MEIOSIN: variants seen among roughly 807,000 people sequenced by gnomAD.
MEIOSIN encodes the protein meiosis initiator protein.
MEIOSIN carries 18 observed loss-of-function variants against 23.4 expected under a neutral mutation model. That is an observed-to-expected ratio of 0.77 (90% CI 0.53 to 1.14). The LOEUF is 1.14. MEIOSIN is among the 50% of genes most tolerant of loss of function. The pLI is 0.00. For missense variants in MEIOSIN, 428 were observed against 242.9 expected (o/e 1.76, Z -5.07); for synonymous variants, 187 against 100.6 (o/e 1.86, Z -5.14).
chr19:45,744,140 C>T (rs1167012041), intron 3 of MEIOSIN, among the ~76,000 whole-genome samples: 1 of 151,790 alleles, frequency 6.6e-6, no homozygotes, highest in Non-Finnish European at 1.5e-5. Context: ...AATTCTCGTG[C>T]CTCAGCCTCC....
chr19:45,746,944 G>T (rs540994867), intron 4 of MEIOSIN, among the ~76,000 whole-genome samples: 4 of 152,104 alleles, frequency 2.6e-5, no homozygotes, highest in African/African-American at 4.8e-5. Context: ...TGGAACTTTG[G>T]GGGGATGCAT....
At chr19:45,734,690 G>A (rs1600372013) in intron 1 of MEIOSIN, among the ~76,000 whole-genome samples, 1 of 142,250 alleles carries the variant, frequency 7.0e-6, no homozygotes, top group East Asian at 2.0e-4. Context: ...TTTTTTTGTA[G>A]AGGTGGAGTT....
chr19:45,761,470 A>G (rs1407370301), intron 11 of MEIOSIN, among the ~76,000 whole-genome samples: 4 of 99,744 alleles, frequency 4.0e-5, no homozygotes, highest in Admixed American at 3.3e-4. Context: ...AGGTCTCTCT[A>G]TGTTGCCCAG....
chr19:45,754,815 G>GC, intron 7 of MEIOSIN, 91 bp downstream of exon 7: 1 of 665,222 alleles, frequency 1.5e-6, no homozygotes, highest in Non-Finnish European at 2.7e-6. Context: ...ACCCGTAGTG[G>GC]GGGCTGCAGC....
chr19:45,762,081 A>C lies in MEIOSIN; in HGVS notation c.1577A>C (p.Lys526Thr), dbSNP rs1488443273. The C allele has an allele frequency of 1.3e-5, 6 of 457,240 alleles. No individual in the cohort carries two copies. Among genetic ancestry groups the C allele is most frequent in the African/African-American group, 1.2e-4 (6 of 50,244 alleles). 28.3% of individuals were successfully genotyped at this position (457,240 alleles called of 1,614,324 possible). ...GGCCAAGTAGCCAGGGCCCCTGTGA[A>C]GCCCAAGGAGAAGAAGAAAGGCCCC... ...TKGQVARAPV[K>T]PKEKKKGPCP... Residue 526 changes from lysine (K) to threonine (T), a missense_variant, in exon 13 of 15, where the codon AAG becomes ACG. Physicochemically the swap from Lys to Thr is moderately conservative, Grantham distance 78. Coordinates refer to ENST00000457052, the MANE Select transcript of MEIOSIN (RefSeq NM_001310124.2).
At chr19:45,738,621 A>C (rs1968449530) in intron 2 of MEIOSIN, among the ~76,000 whole-genome samples, 1 of 152,218 alleles carries the variant, frequency 6.6e-6, no homozygotes, top group Non-Finnish European at 1.5e-5. Context: ...TAAAAAAAGA[A>C]AAAAAAGCAT....
intron 4 of MEIOSIN, among the ~76,000 whole-genome samples, chr19:45,749,569 C>T (rs562033878): frequency 1.4e-5 from 2 of 141,934 alleles, no homozygotes; most frequent in East Asian, 4.5e-4. Context: ...CCCAGCTACT[C>T]GCTGAGGCAG....
rs116186737 is a variant in MEIOSIN, at chr19:45,738,584, G to A, written c.72-1042G>A. On this transcript the variant is annotated intron_variant, in intron 2 of 14. Transcript: ENST00000457052. ...CAGTGAGCCAAGATCGCGCCGCTGC[G>A]CTCCAGCAACAGAGCAAGACTCAGT... Among the ~76,000 whole-genome samples, 677 of 152,236 alleles carry A rather than the reference G, an allele frequency of 4.4e-3. 11 individuals carry two copies. Among genetic ancestry groups the A allele is most frequent in the African/African-American group, 0.015 (616 of 41,540 alleles).
chr19:45,758,926 C>T lies in MEIOSIN; in HGVS notation c.1061C>T (p.Thr354Ile), dbSNP rs775585869. ...CCCCAGATTGATGTCTGGAGTGGAA[C>T]AGGCCACCCAAGTGAGATCCTCGGG... Reference protein sequence around the residue: ...GPPQIDVWSGTGHPSEILGLS... With the variant: ...GPPQIDVWSGIGHPSEILGLS... The change falls in exon 10 of 15, where the codon ACA (threonine) becomes ATA (isoleucine). Residue 354 changes from threonine (T) to isoleucine (I), a missense_variant. Coordinates refer to ENST00000457052, the MANE Select transcript of MEIOSIN (RefSeq NM_001310124.2). 1.4e-5 allele frequency: 10 copies of T among 702,996 alleles called. No homozygotes were observed. The African/African-American group carries it at 1.7e-4, about 12-fold the overall frequency. 43.5% of individuals were successfully genotyped at this position (702,996 alleles called of 1,614,324 possible).
At chr19:45,761,024 C>T (rs1269059636) in intron 11 of MEIOSIN, among the ~76,000 whole-genome samples, 1 of 151,794 alleles carries the variant, frequency 6.6e-6, no homozygotes, top group Non-Finnish European at 1.5e-5. Context: ...TGCAGTGTCA[C>T]CATCATAGAT....
intron 2 of MEIOSIN, among the ~76,000 whole-genome samples, chr19:45,738,381 G>A (rs145048430): frequency 1.5e-4 from 23 of 152,344 alleles, no homozygotes; most frequent in Non-Finnish European, 2.2e-4. Flanking sequence ...ACTTGGCGAA[G>A]CCAAGGTGGG....
chr19:45,750,671 G>A lies in MEIOSIN; in HGVS notation c.307-4G>A. On this transcript the variant is annotated splice_region_variant and splice_polypyrimidine_tract_variant and intron_variant, in intron 4 of 14. Transcript: ENST00000457052. Reference sequence around the variant, plus strand: ...TGGCCAACCCTGTCTTTCTTTTGAGGCAGAAGGAGATTCTGGTGCATGTCC... The same window carrying A: ...TGGCCAACCCTGTCTTTCTTTTGAGACAGAAGGAGATTCTGGTGCATGTCC... 1.8e-6 allele frequency: 1 copy of A among 560,518 alleles called. No individual in the cohort carries two copies. The highest frequency in any genetic ancestry group is 3.1e-6 in the Non-Finnish European group (1 of 317,784). 34.7% of individuals were successfully genotyped at this position (560,518 alleles called of 1,614,324 possible).
rs1298797298 is a variant in MEIOSIN at position 45,745,458 on chromosome 19, G to A, written c.306+137G>A. 1.0e-5 allele frequency: 6 copies of A among 579,814 alleles called. No individual in the cohort carries two copies. The East Asian group carries it at 1.4e-4, about 14-fold the overall frequency. The allele number at this position is 579,814 out of a possible 1,614,324, so 35.9% of individuals were successfully genotyped here. ...AAATGGGAATGGTGCTACTCTGAAC[G>A]GGAATTTCCGGGAGTCTGTGATCCC... is the stretch of plus-strand genomic sequence containing the variant. On this transcript the variant is annotated intron_variant, in intron 4 of 14. Transcript: ENST00000457052.
chr19:45,743,878 A>T (rs1323113617), intron 3 of MEIOSIN, among the ~76,000 whole-genome samples: 1 of 151,608 alleles, frequency 6.6e-6, no homozygotes, highest in Non-Finnish European at 1.5e-5. Flanking sequence ...GCTGGTCTTG[A>T]ACTCCTGGGC....
At chr19:45,747,496 G>T (rs976718204) in intron 4 of MEIOSIN, among the ~76,000 whole-genome samples, 2 of 152,160 alleles carry the variant, frequency 1.3e-5, no homozygotes, top group Non-Finnish European at 2.9e-5. Flanking sequence ...CCTCCTTCAG[G>T]TGGAGTTCTG....
chr19:45,740,205 C>T (rs563328833), intron 3 of MEIOSIN, among the ~76,000 whole-genome samples: 125 of 152,238 alleles, frequency 8.2e-4, no homozygotes, highest in African/African-American at 2.9e-3. Context: ...AGGCACTATA[C>T]GAAACACCTT....
chr19:45,736,020 C>A (rs891974498), intron 2 of MEIOSIN, among the ~76,000 whole-genome samples: 1 of 151,880 alleles, frequency 6.6e-6, no homozygotes, highest in African/African-American at 2.4e-5. Flanking sequence ...TTCTAAGGTC[C>A]TTGCAGCCTG....
intron 4 of MEIOSIN, among the ~76,000 whole-genome samples, chr19:45,749,901 G>A (rs1439743149): frequency 6.6e-6 from 1 of 150,430 alleles, no homozygotes; most frequent in African/African-American, 2.4e-5. Flanking sequence ...CTACTCAGGA[G>A]GCTGAGGCAG....
chr19:45,763,306 C>A (rs1331159173), intron 13 of MEIOSIN, 32 bp from the exon 14 acceptor site: 1 of 398,728 alleles, frequency 2.5e-6, no homozygotes. Context: ...TCCTGCAGAC[C>A]TCTCCTTACC....
Sources: gnomAD v4.1 joint callset for allele counts (sites outside exome capture counted in the v4.1 genomes callset) on GRCh38, gnomAD v4.1.1 for gene constraint, MANE v1.5 for transcripts, NCBI Gene and HGNC (gene_info 2026-07-23, HGNC 2026-07-21) for gene names.